NKAIN2: variants seen among roughly 807,000 people sequenced by gnomAD.
The protein encoded by NKAIN2 is sodium/potassium-transporting ATPase subunit beta-1-interacting protein 2.
NKAIN2 carries 14 observed loss-of-function variants against 32.6 expected under a neutral mutation model. The ratio of observed to expected loss-of-function variants is 0.43; its 90% CI spans 0.28 to 0.67. NKAIN2 has a LOEUF of 0.67. Ranked by LOEUF, NKAIN2 falls within the 30% of genes least tolerant of loss-of-function variation. The pLI, the probability that NKAIN2 is intolerant of heterozygous loss-of-function variation, is 0.17. For missense variants in NKAIN2, 198 were observed against 258.3 expected (o/e 0.77, Z 1.60); for synonymous variants, 80 against 87.2 (o/e 0.92, Z 0.46).
At chr6:124,669,621 A>T (rs1440375809) in intron 4 of NKAIN2, among the ~76,000 whole-genome samples, 2 of 152,010 alleles carry the variant, frequency 1.3e-5, no homozygotes, top group African/African-American at 4.8e-5. Flanking sequence ...TGGAGCTCTG[A>T]CCAGGTATAG....
chr6:124,109,791 C>T (rs1274273053), intron 1 of NKAIN2, among the ~76,000 whole-genome samples: 2 of 151,848 alleles, frequency 1.3e-5, no homozygotes, highest in African/African-American at 2.4e-5. Context: ...TTCTCATTTT[C>T]GAGGGTTTTT....
rs1358745610 is a variant in NKAIN2, at chr6:124,283,135, T to C, written c.185T>C (p.Ile62Thr). ...FGTIQYRPRY[I>T]TGYAVWLVLW... Reference sequence around the variant, plus strand: ...ACTATTCAATATAGACCTCGTTACATAACAGGAGTAAGTACATTTTCTGCC... The same window carrying C: ...ACTATTCAATATAGACCTCGTTACACAACAGGAGTAAGTACATTTTCTGCC... The change falls in exon 2 of 7, where the codon ATA becomes ACA. Residue 62 changes from isoleucine (I) to threonine (T), a missense_variant. By Grantham distance (89) the Ile-to-Thr change is moderately conservative. Transcript: ENST00000368417. 1.2e-6 allele frequency: 2 copies of C among 1,602,540 alleles called. No homozygotes were observed.
intron 1 of NKAIN2, among the ~76,000 whole-genome samples, chr6:124,137,101 A>G (rs1193169943): frequency 6.6e-6 from 1 of 152,052 alleles, no homozygotes; most frequent in Non-Finnish European, 1.5e-5. Flanking sequence ...TTGTATACTT[A>G]AAAAATCCTA....
At chr6:124,290,534 G>C (rs1795757750) in intron 2 of NKAIN2, among the ~76,000 whole-genome samples, 1 of 151,060 alleles carries the variant, frequency 6.6e-6, no homozygotes, top group African/African-American at 2.4e-5. Context: ...GTGTGTGTGT[G>C]TGTGTGTGTG....
At chr6:123,839,870 A>G (rs1002224158) in intron 1 of NKAIN2, among the ~76,000 whole-genome samples, 5 of 152,172 alleles carry the variant, frequency 3.3e-5, no homozygotes, top group African/African-American at 1.2e-4. Flanking sequence ...GATATAAGCA[A>G]ATGTTACAGA....
intron 3 of NKAIN2, among the ~76,000 whole-genome samples, chr6:124,648,144 AAAG>A (rs1026614581): frequency 1.3e-5 from 2 of 152,326 alleles, no homozygotes; most frequent in African/African-American, 4.8e-5. Context: ...GCTCCACTGA[AAAG>A]AAAGCAGAAG....
At chr6:124,655,854 A>T (rs1784520573) in intron 3 of NKAIN2, among the ~76,000 whole-genome samples, 1 of 152,082 alleles carries the variant, frequency 6.6e-6, no homozygotes. Context: ...AATCCTCCTT[A>T]CCATTGTTTC....
At chr6:124,126,698 G>C (rs1235451235) in intron 1 of NKAIN2, among the ~76,000 whole-genome samples, 1 of 152,172 alleles carries the variant, frequency 6.6e-6, no homozygotes, top group Non-Finnish European at 1.5e-5. Context: ...AAGGTGAGAG[G>C]ATCACTTGAG....
At chr6:124,360,761 A>T (rs1799253051) in intron 3 of NKAIN2, among the ~76,000 whole-genome samples, 1 of 152,200 alleles carries the variant, frequency 6.6e-6, no homozygotes, top group Non-Finnish European at 1.5e-5. Flanking sequence ...ATGCATTGAG[A>T]TATTAGTGTT....
At chr6:124,687,743 T>TATATACACAC (rs1554251784) in intron 4 of NKAIN2, among the ~76,000 whole-genome samples, 19 of 104,374 alleles carry the variant, frequency 1.8e-4, no homozygotes, top group African/African-American at 4.4e-4. Flanking sequence ...ATATGATATA[T>TATATACACAC]ACACACACAC....
Position 123,807,110 on chromosome 6 carries a change from CA to C in NKAIN2, c.54+2857del, listed in dbSNP as rs1249981632. ...CTGTGCTTTAAATTAGTTAAATATACATTTAATTTAATGTTTGGCAGACTAC... is the reference window on the plus strand; with the variant it reads ...CTGTGCTTTAAATTAGTTAAATATACTTTAATTTAATGTTTGGCAGACTAC... On this transcript the variant is annotated intron_variant, in intron 1 of 6. Transcript: ENST00000368417. Among the ~76,000 whole-genome samples the C allele has an allele frequency of 2.0e-5, 3 of 151,992 alleles. No homozygotes were observed. The East Asian group carries it at 5.8e-4, about 29-fold the overall frequency.
chr6:123,995,678 TA>T (rs1348976902), intron 1 of NKAIN2, among the ~76,000 whole-genome samples: 1 of 152,176 alleles, frequency 6.6e-6, no homozygotes, highest in East Asian at 1.9e-4. Flanking sequence ...TTCTTTGCTG[TA>T]AAATAAAGGT....
At chr6:124,254,033 T>C (rs1793809987) in intron 1 of NKAIN2, among the ~76,000 whole-genome samples, 1 of 151,674 alleles carries the variant, frequency 6.6e-6, no homozygotes, top group Non-Finnish European at 1.5e-5. Flanking sequence ...GCCAAGATGG[T>C]CTCGTTCTCT....
intron 2 of NKAIN2, among the ~76,000 whole-genome samples, chr6:124,337,708 G>A (rs563487242): frequency 6.6e-6 from 1 of 152,312 alleles, no homozygotes; most frequent in African/African-American, 2.4e-5. Context: ...GACTCCTGGG[G>A]AACTCTAGTT....
intron 1 of NKAIN2, among the ~76,000 whole-genome samples, chr6:124,038,407 G>T (rs1047385935): frequency 1.3e-5 from 2 of 151,910 alleles, no homozygotes; most frequent in Non-Finnish European, 2.9e-5. Flanking sequence ...TAGAGACAGG[G>T]TTTCACCATG....
chr6:123,828,498 G>A (rs758600627), intron 1 of NKAIN2, among the ~76,000 whole-genome samples: 4 of 152,124 alleles, frequency 2.6e-5, no homozygotes, highest in Non-Finnish European at 5.9e-5. Flanking sequence ...GGATTATTAA[G>A]CAACTCCTAA....
At chr6:124,388,733 C>G (rs1400309651) in intron 3 of NKAIN2, among the ~76,000 whole-genome samples, 1 of 152,080 alleles carries the variant, frequency 6.6e-6, no homozygotes. Context: ...TTTTAATGCA[C>G]ACGTTCTTAG....
intron 1 of NKAIN2, among the ~76,000 whole-genome samples, chr6:124,134,839 A>G (rs1786654385): frequency 2.0e-5 from 3 of 152,318 alleles, no homozygotes; most frequent in Admixed American, 1.3e-4. Flanking sequence ...AGGCATATAG[A>G]CATCAGGTTA....
rs74546944 is a variant in NKAIN2 at position 123,961,183 on chromosome 6, A to T, written c.54+156929A>T. On this transcript the variant is annotated intron_variant, in intron 1 of 6. Transcript: ENST00000368417. ...TGGAAGTGACATTCTAGTAAAGAAG[A>T]CAAAGCAGAAAAAAAAAAGTGCCAT... Among the ~76,000 whole-genome samples, 1,202 of 152,214 alleles carry T rather than the reference A, an allele frequency of 7.9e-3. 17 individuals are homozygous for T. Among genetic ancestry groups the T allele is most frequent in the African/African-American group, 0.027 (1,131 of 41,542 alleles).
Sources: gnomAD v4.1 joint callset for allele counts (sites outside exome capture counted in the v4.1 genomes callset) on GRCh38, gnomAD v4.1.1 for gene constraint, MANE v1.5 for transcripts, NCBI Gene and HGNC (gene_info 2026-07-23, HGNC 2026-07-21) for gene names.